The following NRXN1 variants were observed in gnomAD, a reference collection of about 807,000 sequenced individuals.
NRXN1 encodes the protein neurexin-1.
In NRXN1, 39 loss-of-function variants were observed where a neutral mutation model predicts 150.9. The observed-to-expected ratio is 0.26, with a 90% CI of 0.20 to 0.34. NRXN1 has a LOEUF of 0.34. NRXN1 is among the 10% of genes least tolerant of loss of function. The pLI is 1.00. For missense variants in NRXN1, 1,815 were observed against 1,949.9 expected, an observed-to-expected ratio of 0.93 and a Z score of 1.30; for synonymous variants, 924 against 757.0, an observed-to-expected ratio of 1.22 and a Z score of -3.62.
At chr2:50,620,259 G>C in intron 7 of NRXN1, 76 bp from the exon 8 acceptor site, 1 of 1,441,920 alleles carries the variant, frequency 6.9e-7, no homozygotes, top group Non-Finnish European at 9.4e-7. Flanking sequence ...TGCCTGTTTT[G>C]TGTTTTGCTT....
At chr2:50,488,828 A>G (rs1261720239) in intron 15 of NRXN1, among the ~76,000 whole-genome samples, 2 of 152,250 alleles carry the variant, frequency 1.3e-5, no homozygotes, top group African/African-American at 4.8e-5. Flanking sequence ...GATGGCTGAC[A>G]AAGACAGCTC....
At position 50,963,843 on chromosome 2, in the gene NRXN1, C is replaced by G. The variant is rs1409198550; in HGVS notation, c.773-37888G>C. The G allele has an allele frequency of 1.0e-5, 3 of 292,742 alleles. No homozygotes were observed. In the East Asian group the frequency reaches 2.4e-4, roughly 23 times the overall value. 18.1% of individuals were successfully genotyped at this position (292,742 alleles called of 1,614,324 possible). A position where few individuals can be genotyped will look rare whatever the true frequency, so the allele number is the denominator to read the frequency against. ...TGTGTATTGAATAACTTAGAAAGTG[C>G]TTCTTTCAATTTAGCATACACAATG... On this transcript the variant is annotated intron_variant, in intron 2 of 22. Transcript: ENST00000401669.
intron 19 of NRXN1, among the ~76,000 whole-genome samples, chr2:50,089,589 C>A (rs1345834638): frequency 1.3e-5 from 2 of 152,024 alleles, no homozygotes; most frequent in Non-Finnish European, 2.9e-5. Flanking sequence ...GTGTTCAAGA[C>A]CAGCCTGAGC....
intron 19 of NRXN1, among the ~76,000 whole-genome samples, chr2:50,077,814 A>G (rs1697326935): frequency 6.6e-6 from 1 of 152,158 alleles, no homozygotes; most frequent in South Asian, 2.1e-4. Context: ...GACATTTTAC[A>G]TATTAGGGCC....
chr2:50,884,565 G>A (rs771460688), intron 5 of NRXN1, among the ~76,000 whole-genome samples: 18 of 151,494 alleles, frequency 1.2e-4, no homozygotes, highest in Non-Finnish European at 2.1e-4. Context: ...CATGTTTTGC[G>A]GCCCCAGTAT....
intron 18 of NRXN1, among the ~76,000 whole-genome samples, chr2:50,209,875 T>C (rs527958854): frequency 6.9e-5 from 9 of 130,244 alleles, no homozygotes; most frequent in Non-Finnish European, 1.5e-4. Flanking sequence ...ATTCACTTTG[T>C]AACCACTGTA....
rs182391636 is a variant in NRXN1 at position 50,172,961 on chromosome 2, C to T, written c.3546+63828G>A. ...CAGCCTGGGCAACAGAGGGAGACTC[C>T]GTCTCAAAAAAATAAATAAATAAAA... On this transcript the variant is annotated intron_variant, in intron 18 of 22. Transcript: ENST00000401669. 2.2e-4 allele frequency among the ~76,000 whole-genome samples: 34 copies of T among 151,876 alleles called. No individual in the cohort carries two copies. In the East Asian group the frequency reaches 3.9e-3, roughly 17 times the overall value.
chr2:50,911,630 G>C (rs562127065), intron 5 of NRXN1, among the ~76,000 whole-genome samples: 1 of 151,942 alleles, frequency 6.6e-6, no homozygotes, highest in South Asian at 2.1e-4. Context: ...AGATATATTT[G>C]TGCCAGATTT....
intron 18 of NRXN1, among the ~76,000 whole-genome samples, chr2:50,173,795 T>A (rs1461075151): frequency 3.3e-5 from 5 of 152,146 alleles, no homozygotes; most frequent in Non-Finnish European, 7.4e-5. Context: ...AGTTGATATA[T>A]TAAATTAATG....
intron 5 of NRXN1, among the ~76,000 whole-genome samples, chr2:50,868,141 TTATATATATATATATATA>T (rs70958631): frequency 0.036 from 3,139 of 87,688 alleles, 132 homozygotes; most frequent in Non-Finnish European, 0.044. Flanking sequence ...AAACAAAATA[TTATATATATATATATATA>T]TATATATATA....
chr2:50,233,192 T>C lies in NRXN1; in HGVS notation c.3546+3597A>G, dbSNP rs1016729970. Among the ~76,000 whole-genome samples, 7 of 152,130 alleles carry C rather than the reference T, an allele frequency of 4.6e-5. 1 individual carries two copies. Among genetic ancestry groups the C allele is most frequent in the Admixed American group, 4.6e-4 (7 of 15,262 alleles). ...ATATTCTAGGTACTATACTAATTAA[T>C]TGCTCTTCACTTCATGTCTTACCTT... On this transcript the variant is annotated intron_variant, in intron 18 of 22. Transcript: ENST00000401669.
intron 21 of NRXN1, among the ~76,000 whole-genome samples, chr2:50,004,662 A>G (rs1197704890): frequency 6.6e-6 from 1 of 152,152 alleles, no homozygotes; most frequent in Admixed American, 6.6e-5. Context: ...TGCCTCCCAA[A>G]TCAACAACCT....
chr2:50,867,163 C>A (rs1217659466), intron 5 of NRXN1, among the ~76,000 whole-genome samples: 1 of 151,786 alleles, frequency 6.6e-6, no homozygotes, highest in African/African-American at 2.4e-5. Context: ...ATGCATAAAA[C>A]CCCTAACAGA....
chr2:50,180,329 T>C (rs2060627769), intron 18 of NRXN1, among the ~76,000 whole-genome samples: 1 of 152,084 alleles, frequency 6.6e-6, no homozygotes, highest in Non-Finnish European at 1.5e-5. Flanking sequence ...CAGGCTCAAT[T>C]TTTGTTTTTA....
intron 5 of NRXN1, among the ~76,000 whole-genome samples, chr2:50,695,603 T>A (rs80118160): frequency 1.3e-3 from 199 of 152,266 alleles, no homozygotes; most frequent in African/African-American, 4.6e-3. Context: ...CACAAATTAT[T>A]GTACAAAACG....
At chr2:50,495,879 G>T in intron 15 of NRXN1, 26 bp downstream of exon 15, 1 of 1,550,070 alleles carries the variant, frequency 6.5e-7, no homozygotes, top group Non-Finnish European at 8.7e-7. Context: ...TGCAAGGCTC[G>T]TTGCTCTGAC....
At chr2:49,942,091 T>C (rs776827585) in intron 22 of NRXN1, among the ~76,000 whole-genome samples, 2 of 152,170 alleles carry the variant, frequency 1.3e-5, no homozygotes, top group Non-Finnish European at 2.9e-5. Context: ...GATGTGACTT[T>C]ATCTGTCACG....
At chr2:50,509,391 T>C (rs993022720) in intron 12 of NRXN1, among the ~76,000 whole-genome samples, 6 of 152,124 alleles carry the variant, frequency 3.9e-5, no homozygotes, top group Non-Finnish European at 7.4e-5. Flanking sequence ...AATCTCTAAG[T>C]AATACAATGT....
At chr2:50,818,284 AC>A (rs1242087748) in intron 5 of NRXN1, among the ~76,000 whole-genome samples, 3 of 151,872 alleles carry the variant, frequency 2.0e-5, no homozygotes, top group Admixed American at 6.6e-5. Flanking sequence ...GGACATCTTA[AC>A]AATATTAAGC....
Sources: gnomAD v4.1 joint callset for allele counts (sites outside exome capture counted in the v4.1 genomes callset) on GRCh38, gnomAD v4.1.1 for gene constraint, MANE v1.5 for transcripts, NCBI Gene and HGNC (gene_info 2026-07-23, HGNC 2026-07-21) for gene names.